CFTR: variants seen among roughly 807,000 people sequenced by gnomAD.
The protein encoded by CFTR is cystic fibrosis transmembrane conductance regulator.
A neutral mutation model predicts 171.6 loss-of-function variants in CFTR; 181 were observed. The ratio of observed to expected loss-of-function variants is 1.05; its 90% CI spans 0.93 to 1.19. CFTR has a LOEUF of 1.19. Ranked by LOEUF, CFTR falls within the 50% of genes most tolerant of loss-of-function variation. CFTR has a pLI of 0.00. For synonymous variants in CFTR, 583 were observed against 608.0 expected, an observed-to-expected ratio of 0.96 and a Z score of 0.60; for missense variants, 1,968 against 1,734.7, an observed-to-expected ratio of 1.13 and a Z score of -2.39.
intron 1 of CFTR, among the ~76,000 whole-genome samples, chr7:117,481,639 T>C (rs1798002942): frequency 6.6e-6 from 1 of 152,242 alleles, no homozygotes; most frequent in South Asian, 2.1e-4. Flanking sequence ...TACTCATTTC[T>C]GTTCTCCAAA....
At chr7:117,505,268 C>CA (rs1746835434) in intron 2 of CFTR, among the ~76,000 whole-genome samples, 1 of 152,094 alleles carries the variant, frequency 6.6e-6, no homozygotes, top group Non-Finnish European at 1.5e-5. Context: ...TAGTCCCCCC[C>CA]ATAAAGAATC....
intron 6 of CFTR, among the ~76,000 whole-genome samples, chr7:117,535,666 C>G (rs1798941987): frequency 6.6e-6 from 1 of 151,566 alleles, no homozygotes; most frequent in Admixed American, 6.6e-5. Flanking sequence ...TCCGGAGTAG[C>G]TGGGATTAGA....
chr7:117,664,594 A>G (rs1584848678), intron 24 of CFTR, 94 bp from the exon 25 acceptor site: 7 of 1,194,168 alleles, frequency 5.9e-6, no homozygotes, highest in East Asian at 4.7e-5. Context: ...TATGAAAAAC[A>G]TAAGCTTTCA....
At chr7:117,654,973 T>A (rs1314757602) in intron 24 of CFTR, among the ~76,000 whole-genome samples, 1 of 152,194 alleles carries the variant, frequency 6.6e-6, no homozygotes, top group African/African-American at 2.4e-5. Flanking sequence ...TCTTCCATTG[T>A]CTTGGACTAT....
chr7:117,508,750 C>T (rs1308505602), intron 2 of CFTR, among the ~76,000 whole-genome samples: 1 of 152,224 alleles, frequency 6.6e-6, no homozygotes, highest in Non-Finnish European at 1.5e-5. Context: ...TTTGTCCACC[C>T]TTTTCATTGT....
rs200337193 is a variant in CFTR at position 117,509,031 on chromosome 7, C to T, written c.165-3C>T. 85 of 1,580,492 alleles carry T rather than the reference C, an allele frequency of 5.4e-5. No individual in the cohort carries two copies. The highest frequency in any genetic ancestry group is 7.0e-5 in the Non-Finnish European group (81 of 1,150,046). On this transcript the variant is annotated splice_polypyrimidine_tract_variant and splice_region_variant and intron_variant, in intron 2 of 26. Transcript: ENST00000003084. Reference sequence around the variant, plus strand: ...ATTGGTCCCACTTTTTATTCTTTTGCAGAGAATGGGATAGAGAGCTGGCTT... The same window carrying T: ...ATTGGTCCCACTTTTTATTCTTTTGTAGAGAATGGGATAGAGAGCTGGCTT...
intron 1 of CFTR, among the ~76,000 whole-genome samples, chr7:117,498,574 C>G (rs561101824): frequency 1.3e-5 from 2 of 152,092 alleles, no homozygotes; most frequent in Non-Finnish European, 2.9e-5. Flanking sequence ...ATACATCTGA[C>G]TAAATAACTC....
chr7:117,509,668 C>CT (rs1304617044), intron 3 of CFTR, among the ~76,000 whole-genome samples: 3 of 152,066 alleles, frequency 2.0e-5, no homozygotes, highest in Non-Finnish European at 4.4e-5. Flanking sequence ...AATATATTTT[C>CT]TTAATATCTT....
intron 3 of CFTR, among the ~76,000 whole-genome samples, chr7:117,518,814 A>G (rs968565526): frequency 1.3e-5 from 2 of 152,100 alleles, no homozygotes; most frequent in Non-Finnish European, 1.5e-5. Context: ...TATATATGCT[A>G]TAAGCAAATC....
chr7:117,594,870 C>T (rs902926292), intron 14 of CFTR, 60 bp from the exon 15 acceptor site: 24 of 1,530,830 alleles, frequency 1.6e-5, no homozygotes, highest in Admixed American at 6.8e-5. Context: ...AAAAATAAAA[C>T]CACAATGGTG....
chr7:117,639,771 G>T (rs1463357845), intron 22 of CFTR, among the ~76,000 whole-genome samples: 1 of 151,948 alleles, frequency 6.6e-6, no homozygotes, highest in Non-Finnish European at 1.5e-5. Flanking sequence ...TCATTCAGTG[G>T]GTATAAGCAG....
chr7:117,652,427 A>G (rs1415851778), intron 23 of CFTR, among the ~76,000 whole-genome samples: 1 of 152,230 alleles, frequency 6.6e-6, no homozygotes, highest in Non-Finnish European at 1.5e-5. Flanking sequence ...AAGGAAATAC[A>G]TTAACAAACT....
At chr7:117,573,447 G>A (rs187894480) in intron 11 of CFTR, among the ~76,000 whole-genome samples, 144 of 152,206 alleles carry the variant, frequency 9.5e-4, no homozygotes, top group African/African-American at 2.9e-3. Flanking sequence ...CCAGCTTGTT[G>A]TAAAGGAAAT....
chr7:117,511,968 C>T (rs1798526861), intron 3 of CFTR, among the ~76,000 whole-genome samples: 1 of 152,118 alleles, frequency 6.6e-6, no homozygotes, highest in Non-Finnish European at 1.5e-5. Context: ...GGTATTTCTT[C>T]TTTTCTTTCA....
At chr7:117,523,375 T>C (rs1287888244) in intron 3 of CFTR, among the ~76,000 whole-genome samples, 3 of 138,044 alleles carry the variant, frequency 2.2e-5, no homozygotes, top group Non-Finnish European at 4.6e-5. Flanking sequence ...TTTTGTTTTG[T>C]TTTTTGTTTT....
intron 1 of CFTR, 145 bp downstream of exon 1, chr7:117,480,292 T>C (rs1266307013): frequency 1.7e-5 from 13 of 772,984 alleles, no homozygotes; most frequent in Non-Finnish European, 2.3e-6. Flanking sequence ...AATGTGGGTA[T>C]TGTAGAATAA....
chr7:117,512,805 T>G (rs1449169071), intron 3 of CFTR, among the ~76,000 whole-genome samples: 1 of 152,058 alleles, frequency 6.6e-6, no homozygotes, highest in African/African-American at 2.4e-5. Context: ...GATAAGAAAT[T>G]CACAAGCATT....
At chr7:117,524,620 A>C (rs1355351927) in intron 3 of CFTR, among the ~76,000 whole-genome samples, 1 of 152,204 alleles carries the variant, frequency 6.6e-6, no homozygotes, top group Non-Finnish European at 1.5e-5. Flanking sequence ...AATTTAAAAA[A>C]GTTATTTTGA....
intron 3 of CFTR, among the ~76,000 whole-genome samples, chr7:117,513,195 C>T (rs1392143391): frequency 1.3e-5 from 2 of 152,034 alleles, no homozygotes; most frequent in Non-Finnish European, 2.9e-5. Flanking sequence ...CCTACCCTCT[C>T]AGTGCAGTAT....
Sources: gnomAD v4.1 joint callset for allele counts (sites outside exome capture counted in the v4.1 genomes callset) on GRCh38, gnomAD v4.1.1 for gene constraint, MANE v1.5 for transcripts, NCBI Gene and HGNC (gene_info 2026-07-23, HGNC 2026-07-21) for gene names.